The following SEMA5A variants were observed in gnomAD, a reference collection of about 807,000 sequenced individuals.
SEMA5A encodes the protein semaphorin-5A.
SEMA5A carries 55 observed loss-of-function variants against 135.5 expected under a neutral mutation model. That is an observed-to-expected ratio of 0.41 (90% CI 0.33 to 0.51). The LOEUF is 0.51. Ranked by LOEUF, SEMA5A falls within the 20% of genes least tolerant of loss-of-function variation. The pLI is 0.37. For synonymous variants in SEMA5A, 580 were observed against 546.5 expected (o/e 1.06, Z -0.85); for missense variants, 1,290 against 1,419.9 (o/e 0.91, Z 1.47).
chr5:9,381,735 T>C (rs1359042006), intron 2 of SEMA5A, among the ~76,000 whole-genome samples: 2 of 152,176 alleles, frequency 1.3e-5, no homozygotes, highest in Admixed American at 1.3e-4. Flanking sequence ...AATCTCTCAG[T>C]TGAACCCTGC....
At chr5:9,081,001 T>C (rs111553998) in intron 16 of SEMA5A, among the ~76,000 whole-genome samples, 1,552 of 152,312 alleles carry the variant, frequency 0.01, 11 homozygotes, top group Admixed American at 0.016. Flanking sequence ...CACAACCTCC[T>C]CGTACCTTAC....
chr5:9,228,666 G>C (rs77986613), intron 6 of SEMA5A, among the ~76,000 whole-genome samples: 1 of 152,214 alleles, frequency 6.6e-6, no homozygotes, highest in Admixed American at 6.5e-5. Flanking sequence ...CATAACTCAG[G>C]CTCTTGTCAT....
intron 1 of SEMA5A, among the ~76,000 whole-genome samples, chr5:9,540,658 G>C (rs938385739): frequency 6.6e-6 from 1 of 152,120 alleles, no homozygotes; most frequent in Admixed American, 6.5e-5. Flanking sequence ...TCTCAGTCCT[G>C]TAAAAGGAGT....
intron 5 of SEMA5A, among the ~76,000 whole-genome samples, chr5:9,256,864 A>G (rs1561077841): frequency 6.6e-6 from 1 of 152,254 alleles, no homozygotes; most frequent in Non-Finnish European, 1.5e-5. Flanking sequence ...CCTGGTTTTA[A>G]GAGTATAAGT....
At chr5:9,398,525 A>G (rs371021) in intron 2 of SEMA5A, among the ~76,000 whole-genome samples, 103,934 of 152,156 alleles carry the variant, frequency 0.68, 35,685 homozygotes, top group African/African-American at 0.74. Flanking sequence ...AGGTCTGCAA[A>G]CACATTGAGA....
chr5:9,096,212 A>T (rs907796779), intron 16 of SEMA5A, among the ~76,000 whole-genome samples: 14 of 152,104 alleles, frequency 9.2e-5, no homozygotes, highest in Admixed American at 5.9e-4. Flanking sequence ...TAACAGGTGT[A>T]CTCATGTAGC....
At chr5:9,179,187 A>G (rs1744370439) in intron 11 of SEMA5A, among the ~76,000 whole-genome samples, 1 of 152,244 alleles carries the variant, frequency 6.6e-6, no homozygotes, top group Non-Finnish European at 1.5e-5. Flanking sequence ...TTCATCTCCT[A>G]GCCACTACCA....
intron 8 of SEMA5A, among the ~76,000 whole-genome samples, chr5:9,211,154 T>C (rs1746326815): frequency 6.6e-6 from 1 of 152,166 alleles, no homozygotes; most frequent in Non-Finnish European, 1.5e-5. Context: ...TGTCATCTCA[T>C]CTTCACCCTA....
intron 16 of SEMA5A, among the ~76,000 whole-genome samples, chr5:9,098,404 G>C (rs558995980): frequency 8.5e-5 from 13 of 152,144 alleles, no homozygotes; most frequent in Admixed American, 6.5e-4. Context: ...CAATTTGAAG[G>C]GAACATTTAA....
intron 11 of SEMA5A, among the ~76,000 whole-genome samples, chr5:9,170,731 G>T (rs1215196855): frequency 6.6e-6 from 1 of 152,146 alleles, no homozygotes; most frequent in Non-Finnish European, 1.5e-5. Flanking sequence ...TGATTTCATG[G>T]CTTTTCATCC....
At chr5:9,353,192 A>AAGGGAAAGG (rs1554023623) in intron 3 of SEMA5A, among the ~76,000 whole-genome samples, 4 of 81,960 alleles carry the variant, frequency 4.9e-5, no homozygotes, top group Non-Finnish European at 9.1e-5. Flanking sequence ...AAGGGAAGGG[A>AAGGGAAAGG]AAGGAAAGGA....
intron 13 of SEMA5A, among the ~76,000 whole-genome samples, chr5:9,132,684 G>T (rs1741498093): frequency 1.3e-5 from 1 of 79,916 alleles, no homozygotes; most frequent in South Asian, 3.4e-4. Flanking sequence ...ACTCAGTTGT[G>T]CTATGTCATT....
chr5:9,347,463 A>G (rs940767318), intron 3 of SEMA5A, among the ~76,000 whole-genome samples: 1 of 152,192 alleles, frequency 6.6e-6, no homozygotes, highest in Non-Finnish European at 1.5e-5. Context: ...AAAAGCTGTG[A>G]TAGCTCCTTT....
In SEMA5A at chr5:9,190,463, G is replaced by A. The variant is rs756470505; in HGVS notation, c.1077C>T (p.Thr359=). The change falls in exon 11 of 23, where the codon ACC becomes ACT. Residue 359 remains threonine, a synonymous_variant. Coordinates refer to ENST00000382496, the MANE Select transcript of SEMA5A (RefSeq NM_003966.3). The part of the protein sequence containing the change: ...PNPNPHFQCG[T]VDQGLYVNLT... The stretch of plus-strand genomic sequence containing the variant: ...GGTTCACGTACAGGCCCTGGTCCAC[G>A]GTGCCACACTGAAAGGGAAGACGGG... 21 of 1,613,218 alleles carry A rather than the reference G, an allele frequency of 1.3e-5. No homozygotes were observed. The East Asian group carries it at 1.3e-4, about 10-fold the overall frequency.
intron 2 of SEMA5A, among the ~76,000 whole-genome samples, chr5:9,380,696 A>C (rs1171845932): frequency 2.6e-5 from 4 of 152,258 alleles, no homozygotes; most frequent in African/African-American, 9.6e-5. Context: ...TGGAAACTTT[A>C]AAGATTATGA....
intron 5 of SEMA5A, among the ~76,000 whole-genome samples, chr5:9,243,059 C>G (rs908560780): frequency 6.6e-6 from 1 of 152,146 alleles, no homozygotes; most frequent in South Asian, 2.1e-4. Flanking sequence ...GCTCACTGGG[C>G]GTTCTGTTCT....
intron 5 of SEMA5A, among the ~76,000 whole-genome samples, chr5:9,309,372 G>GA (rs1270017434): frequency 6.6e-6 from 1 of 152,122 alleles, no homozygotes; most frequent in Non-Finnish European, 1.5e-5. Context: ...CAGACTAGGA[G>GA]AAAATGCTAA....
intron 1 of SEMA5A, among the ~76,000 whole-genome samples, chr5:9,463,585 G>A (rs1759140302): frequency 6.6e-6 from 1 of 152,124 alleles, no homozygotes; most frequent in Admixed American, 6.5e-5. Context: ...AAACTCTGGT[G>A]CTAAAAATGG....
At chr5:9,539,135 C>G (rs1416672281) in intron 1 of SEMA5A, among the ~76,000 whole-genome samples, 1 of 152,178 alleles carries the variant, frequency 6.6e-6, no homozygotes, top group African/African-American at 2.4e-5. Context: ...ACTGCTAGCC[C>G]GAGGCAACCA....
Sources: allele counts gnomAD v4.1 joint callset (sites outside exome capture counted in the v4.1 genomes callset), GRCh38; gene constraint gnomAD v4.1.1; transcripts MANE v1.5; gene names NCBI Gene and HGNC (gene_info 2026-07-23, HGNC 2026-07-21).